The following ITIH5 variants were observed in gnomAD, a reference collection of about 807,000 sequenced individuals.
ITIH5 encodes inter-alpha-trypsin inhibitor heavy chain H5.
ITIH5 carries 65 observed loss-of-function variants against 77.5 expected under a neutral mutation model. The ratio of observed to expected loss-of-function variants is 0.84; its 90% CI spans 0.69 to 1.03. The LOEUF is 1.03. Among genes scored for constraint, ITIH5 ranks in the 50% least tolerant of loss-of-function variants. ITIH5 has a pLI of 0.00. For missense variants in ITIH5, 1,208 were observed against 1,213.1 expected (o/e 1.00, Z 0.06); for synonymous variants, 525 against 494.3 (o/e 1.06, Z -0.82).
At position 7,566,016 on chromosome 10, in the gene ITIH5, G is replaced by A. The variant is rs77847859; in HGVS notation, c.2527+14C>T. On this transcript the variant is annotated intron_variant, in intron 13 of 13. Coordinates refer to ENST00000397146, the MANE Select transcript of ITIH5 (RefSeq NM_030569.7). ...GCCCTCTATGCCCAGCGTGAGGAGAGCGCAGCTTCCTACCCAGCAGTCCGT... is the reference window on the plus strand; with the variant it reads ...GCCCTCTATGCCCAGCGTGAGGAGAACGCAGCTTCCTACCCAGCAGTCCGT... 6,431 of 1,610,398 alleles carry A rather than the reference G, an allele frequency of 4.0e-3. 130 individuals are homozygous for A. In the African/African-American group the frequency reaches 0.058, roughly 14 times the overall value.
intron 2 of ITIH5, among the ~76,000 whole-genome samples, chr10:7,653,535 T>C (rs1308978516): frequency 2.0e-5 from 3 of 152,158 alleles, no homozygotes; most frequent in African/African-American, 7.2e-5. Flanking sequence ...GCAGTTTGAA[T>C]TGTAAGTCGT....
intron 7 of ITIH5, among the ~76,000 whole-genome samples, chr10:7,615,558 C>G (rs752408542): frequency 8.5e-5 from 13 of 152,178 alleles, no homozygotes; most frequent in Non-Finnish European, 1.6e-4. Context: ...AAGATTCATC[C>G]TAAATTTTGT....
At chr10:7,640,525 A>AGAG (rs1833867978) in intron 4 of ITIH5, among the ~76,000 whole-genome samples, 1 of 152,052 alleles carries the variant, frequency 6.6e-6, no homozygotes, top group South Asian at 2.1e-4. Flanking sequence ...AAATATTAGA[A>AGAG]GAGGATATGT....
intron 4 of ITIH5, among the ~76,000 whole-genome samples, chr10:7,637,767 C>T (rs1833826198): frequency 1.3e-5 from 2 of 152,110 alleles, no homozygotes; most frequent in African/African-American, 2.4e-5. Context: ...TGGGAAAGGA[C>T]GTTGAGTAGG....
intron 5 of ITIH5, among the ~76,000 whole-genome samples, chr10:7,629,314 C>T (rs528375660): frequency 1.5e-4 from 14 of 93,628 alleles, no homozygotes; most frequent in East Asian, 3.1e-4. Flanking sequence ...CATGTTGTAG[C>T]GTGTGCCCAT....
At chr10:7,649,164 TCCTTCC>T (rs1222931121) in intron 2 of ITIH5, among the ~76,000 whole-genome samples, 1 of 152,074 alleles carries the variant, frequency 6.6e-6, no homozygotes, top group African/African-American at 2.4e-5. Context: ...GTTGTCCTTC[TCCTTCC>T]CCTTCCCCTT....
intron 8 of ITIH5, among the ~76,000 whole-genome samples, chr10:7,585,647 G>A (rs1021720812): frequency 2.0e-5 from 3 of 151,734 alleles, no homozygotes; most frequent in African/African-American, 7.3e-5. Flanking sequence ...AGATGAACCA[G>A]GCAAGCCTCC....
intron 2 of ITIH5, among the ~76,000 whole-genome samples, chr10:7,643,054 G>T (rs528452171): frequency 2.0e-5 from 3 of 152,266 alleles, no homozygotes; most frequent in South Asian, 2.1e-4. Context: ...TGAAGGTGGG[G>T]TCTCTATGAT....
At chr10:7,579,073 G>A (rs1832482312) in intron 9 of ITIH5, among the ~76,000 whole-genome samples, 1 of 152,256 alleles carries the variant, frequency 6.6e-6, no homozygotes. Context: ...ATATCAGGAT[G>A]TCAATGAACT....
chr10:7,595,390 C>T (rs1371732577), intron 7 of ITIH5, among the ~76,000 whole-genome samples: 1 of 152,138 alleles, frequency 6.6e-6, no homozygotes, highest in African/African-American at 2.4e-5. Flanking sequence ...GGCCTGGATG[C>T]AGGCATTACA....
intron 7 of ITIH5, among the ~76,000 whole-genome samples, chr10:7,611,104 C>T (rs547342789): frequency 6.6e-6 from 1 of 152,198 alleles, no homozygotes. Flanking sequence ...GCCTTCTTGC[C>T]GCAACCACAC....
In ITIH5 at chr10:7,595,804, T is replaced by A. The variant is rs570282807; in HGVS notation, c.940-9735A>T. 3.6e-4 allele frequency among the ~76,000 whole-genome samples: 55 copies of A among 152,136 alleles called. 1 individual carries two copies. In the South Asian group the frequency reaches 0.011, roughly 32 times the overall value. ...CGGGCGGATCATGAGGTCAGGAGAT[T>A]GAGGCTATCCGGGCTAACATGGTGA... On this transcript the variant is annotated intron_variant, in intron 7 of 13. Coordinates refer to ENST00000397146, the MANE Select transcript of ITIH5 (RefSeq NM_030569.7).
chr10:7,589,017 C>T (rs939141659), intron 7 of ITIH5, among the ~76,000 whole-genome samples: 7 of 152,388 alleles, frequency 4.6e-5, no homozygotes, highest in Middle Eastern at 3.4e-3. Context: ...GCCGAGATGG[C>T]TCAGAGCTGT....
At chr10:7,661,166 C>CT (rs1834270817) in intron 1 of ITIH5, among the ~76,000 whole-genome samples, 1 of 152,184 alleles carries the variant, frequency 6.6e-6, no homozygotes, top group South Asian at 2.1e-4. Context: ...AAAACCATCC[C>CT]TCCCACCCCC....
intron 12 of ITIH5, among the ~76,000 whole-genome samples, chr10:7,567,617 C>T (rs1001869282): frequency 6.6e-6 from 1 of 152,044 alleles, no homozygotes; most frequent in Non-Finnish European, 1.5e-5. Context: ...CAATAGTTTG[C>T]TCAGACATCT....
chr10:7,629,155 G>GTGTCCGTGTTGTGGCATA (rs1833656802), intron 5 of ITIH5, among the ~76,000 whole-genome samples: 1 of 139,662 alleles, frequency 7.2e-6, no homozygotes, highest in African/African-American at 2.5e-5. Context: ...GTTGTGGCAT[G>GTGTCCGTGTTGTGGCATA]CATCCATGTT....
rs144839179 is a variant in ITIH5 at position 7,579,903 on chromosome 10, G to A, written c.1270C>T (p.Arg424Ter). Residue 424 changes from arginine (R) to a stop codon, truncating the protein, a stop_gained, in exon 9 of 14, where the codon CGA becomes TGA. Transcript: ENST00000397146. LOFTEE classifies it high-confidence loss of function. The stretch of plus-strand genomic sequence containing the variant: ...CAGACTTGGCCTCGGGCGGCCTCTC[G>A]GGTGTTGTTGAGGATCTTGAGGGTG... Reference protein sequence around the residue: ...THTLKILNNTREAARGQVCIF... With the variant: ...THTLKILNNT 4.5e-5 allele frequency: 72 copies of A among 1,614,228 alleles called. No homozygotes were observed. The highest frequency in any genetic ancestry group is 9.9e-5 in the South Asian group (9 of 91,086).
At chr10:7,576,360 T>C in intron 10 of ITIH5, 93 bp downstream of exon 10, 2 of 1,121,064 alleles carry the variant, frequency 1.8e-6, no homozygotes, top group Non-Finnish European at 2.5e-6. Context: ...CAAGATGGAA[T>C]AACACAGCTT....
chr10:7,609,683 G>A (rs973518024), intron 7 of ITIH5, among the ~76,000 whole-genome samples: 3 of 152,148 alleles, frequency 2.0e-5, no homozygotes, highest in African/African-American at 7.2e-5. Flanking sequence ...AAATAAAATG[G>A]AGAAAGGAAG....
Sources: allele counts gnomAD v4.1 joint callset (sites outside exome capture counted in the v4.1 genomes callset), GRCh38; gene constraint gnomAD v4.1.1; transcripts MANE v1.5; gene names NCBI Gene and HGNC (gene_info 2026-07-23, HGNC 2026-07-21).